Variants in SDK1 observed in about 807,000 individuals in gnomAD.
SDK1 encodes sidekick cell adhesion molecule 1.
In SDK1, 157 loss-of-function variants were observed where a neutral mutation model predicts 245.5. The ratio of observed to expected loss-of-function variants is 0.64; its 90% CI spans 0.56 to 0.73. The LOEUF (loss-of-function observed/expected upper bound fraction) is 0.73. SDK1 is among the 30% of genes least tolerant of loss of function. SDK1 has a pLI of 0.00. For missense variants in SDK1, 3,583 were observed against 3,002.3 expected, an observed-to-expected ratio of 1.19 and a Z score of -4.52; for synonymous variants, 1,647 against 1,278.5, an observed-to-expected ratio of 1.29 and a Z score of -6.15.
At chr7:3,459,742 A>G (rs572784259) in intron 1 of SDK1, among the ~76,000 whole-genome samples, 45 of 152,290 alleles carry the variant, frequency 3.0e-4, no homozygotes, top group African/African-American at 1.1e-3. Context: ...GGGTAGTGAG[A>G]TGGCTCCACT....
intron 25 of SDK1, among the ~76,000 whole-genome samples, chr7:4,116,172 G>C (rs1190875656): frequency 6.6e-6 from 1 of 152,202 alleles, no homozygotes; most frequent in African/African-American, 2.4e-5. Context: ...TCTGAGGACA[G>C]CTGGAGTGAG....
intron 16 of SDK1, 56 bp from the exon 17 acceptor site, chr7:4,017,115 C>T (rs544478209): frequency 2.6e-6 from 4 of 1,516,106 alleles, no homozygotes; most frequent in African/African-American, 1.4e-5. Flanking sequence ...TGCGGGTAAA[C>T]ACCGTTCCTG....
At chr7:3,747,769 G>C (rs1364808099) in intron 4 of SDK1, among the ~76,000 whole-genome samples, 1 of 151,990 alleles carries the variant, frequency 6.6e-6, no homozygotes. Flanking sequence ...ACGCAGAGGA[G>C]TGGTAAGAGG....
At chr7:4,030,404 T>C (rs1261123856) in intron 17 of SDK1, among the ~76,000 whole-genome samples, 1 of 152,210 alleles carries the variant, frequency 6.6e-6, no homozygotes, top group East Asian at 1.9e-4. Flanking sequence ...CCTTATGATG[T>C]ACACCCTGCA....
At chr7:3,734,974 C>G (rs1233099073) in intron 4 of SDK1, among the ~76,000 whole-genome samples, 1 of 152,118 alleles carries the variant, frequency 6.6e-6, no homozygotes, top group Non-Finnish European at 1.5e-5. Context: ...GTGCACATCC[C>G]CTATGTGTTC....
intron 44 of SDK1, among the ~76,000 whole-genome samples, chr7:4,259,847 G>A (rs563955315): frequency 2.6e-5 from 4 of 152,324 alleles, no homozygotes; most frequent in East Asian, 3.9e-4. Flanking sequence ...CAGGATCTGC[G>A]GAGGTGGGTG....
At chr7:3,882,066 C>G (rs1781221695) in intron 5 of SDK1, among the ~76,000 whole-genome samples, 2 of 152,162 alleles carry the variant, frequency 1.3e-5, no homozygotes, top group Admixed American at 1.3e-4. Flanking sequence ...CACGTCTTAC[C>G]TGGTGGCAGA....
intron 5 of SDK1, among the ~76,000 whole-genome samples, chr7:3,932,835 G>C (rs1258651740): frequency 6.6e-6 from 1 of 152,174 alleles, no homozygotes; most frequent in Admixed American, 6.5e-5. Flanking sequence ...ACAAAAGAGA[G>C]GGACAGAGAG....
At chr7:3,714,141 G>A (rs1380837171) in intron 4 of SDK1, among the ~76,000 whole-genome samples, 3 of 152,116 alleles carry the variant, frequency 2.0e-5, no homozygotes, top group Non-Finnish European at 4.4e-5. Flanking sequence ...ACACGTTGAC[G>A]CCATGGTGCA....
At chr7:3,420,385 T>A (rs1477759350) in intron 1 of SDK1, among the ~76,000 whole-genome samples, 1 of 152,214 alleles carries the variant, frequency 6.6e-6, no homozygotes, top group Non-Finnish European at 1.5e-5. Flanking sequence ...AACTTTCTGT[T>A]CTTGGATTTT....
intron 5 of SDK1, among the ~76,000 whole-genome samples, chr7:3,861,340 A>C (rs556866253): frequency 6.6e-6 from 1 of 152,326 alleles, no homozygotes; most frequent in Admixed American, 6.5e-5. Context: ...TGTTTAAGCA[A>C]AATTCGCTTG....
chr7:4,102,571 G>T (rs922208458), intron 22 of SDK1, among the ~76,000 whole-genome samples: 4 of 152,124 alleles, frequency 2.6e-5, no homozygotes, highest in Non-Finnish European at 4.4e-5. Flanking sequence ...TTACCTTTGG[G>T]ATGAGGTTAA....
intron 1 of SDK1, among the ~76,000 whole-genome samples, chr7:3,441,098 C>T (rs749214147): frequency 2.6e-5 from 4 of 152,110 alleles, no homozygotes; most frequent in Non-Finnish European, 5.9e-5. Context: ...CACATCATTA[C>T]AAGAAGAAAG....
At chr7:3,503,158 C>G (rs1315341830) in intron 1 of SDK1, among the ~76,000 whole-genome samples, 1 of 152,062 alleles carries the variant, frequency 6.6e-6, no homozygotes, top group South Asian at 2.1e-4. Flanking sequence ...AGTATTATCA[C>G]AAAATATTTA....
At chr7:3,668,375 C>T (rs566319087) in intron 4 of SDK1, among the ~76,000 whole-genome samples, 36 of 152,182 alleles carry the variant, frequency 2.4e-4, no homozygotes, top group Admixed American at 4.6e-4. Flanking sequence ...TGACCAGAGA[C>T]CCCAGTTCCT....
At chr7:3,727,276 G>T (rs1362478046) in intron 4 of SDK1, among the ~76,000 whole-genome samples, 1 of 152,180 alleles carries the variant, frequency 6.6e-6, no homozygotes, top group Non-Finnish European at 1.5e-5. Context: ...TTTAATCAGA[G>T]TTCTGTTTGT....
chr7:3,722,032 G>GT lies in SDK1; in HGVS notation c.713+79935dup, dbSNP rs200192614. 1.7e-3 allele frequency among the ~76,000 whole-genome samples: 258 copies of GT among 151,678 alleles called. 2 individuals carry two copies. The highest frequency in any genetic ancestry group is 4.4e-3 in the African/African-American group (181 of 41,352). ...TGCCTCACTGCAGCCTTGACCTCTT[G>GT]TTTTTTTTGTTTTTTTGAGGTTATT... On this transcript the variant is annotated intron_variant, in intron 4 of 44. Transcript: ENST00000404826.
intron 1 of SDK1, among the ~76,000 whole-genome samples, chr7:3,396,031 A>G (rs1405040102): frequency 6.6e-6 from 1 of 151,702 alleles, no homozygotes; most frequent in African/African-American, 2.4e-5. Context: ...TCTACATTTT[A>G]AAGGTGAATT....
At chr7:3,590,594 A>G (rs1277201829) in intron 1 of SDK1, among the ~76,000 whole-genome samples, 1 of 152,144 alleles carries the variant, frequency 6.6e-6, no homozygotes, top group East Asian at 1.9e-4. Context: ...TGAAAAGTCT[A>G]AAGATATTTT....
Sources: gnomAD v4.1 joint callset for allele counts (sites outside exome capture counted in the v4.1 genomes callset) on GRCh38, gnomAD v4.1.1 for gene constraint, MANE v1.5 for transcripts, NCBI Gene and HGNC (gene_info 2026-07-23, HGNC 2026-07-21) for gene names.